The following PLS3 variants were observed in gnomAD, a reference collection of about 807,000 sequenced individuals.
The protein encoded by PLS3 is plastin-3.
A neutral mutation model predicts 46.5 loss-of-function variants in PLS3; 11 were observed. The observed-to-expected ratio is 0.24, with a 90% CI of 0.15 to 0.39. PLS3 has a LOEUF of 0.39. Among genes scored for constraint, PLS3 ranks in the 10% least tolerant of loss-of-function variants. PLS3 has a pLI of 1.00. For missense variants in PLS3, 308 were observed against 461.8 expected (o/e 0.67, Z 3.05); for synonymous variants, 167 against 162.2 (o/e 1.03, Z -0.22).
At chrX:115,648,684 CT>C (rs1235241107) in intron 15 of PLS3, among the ~76,000 whole-genome samples, 1 of 111,728 alleles carries the variant, frequency 9.0e-6, no homozygotes, top group African/African-American at 3.3e-5. Flanking sequence ...TCCTGCAAAA[CT>C]TTGGAGTTAG....
intron 4 of PLS3, 112 bp from the exon 5 acceptor site, chrX:115,629,723 G>A: frequency 2.1e-6 from 1 of 485,446 alleles, no homozygotes; most frequent in East Asian, 3.7e-5. Context: ...ATAACCACAT[G>A]TTTCTGACAC....
In PLS3 at chrX:115,649,792, C is replaced by T. The variant is rs2074986131; in HGVS notation, c.*231C>T. 3.6e-6 allele frequency: 1 copy of T among 281,252 alleles called. No homozygotes were observed. Among genetic ancestry groups the T allele is most frequent in the African/African-American group, 2.6e-5 (1 of 37,751 alleles). The allele number at this position is 281,252 out of a possible 1,213,427, so 23.2% of individuals were successfully genotyped here. A position where few individuals can be genotyped will look rare whatever the true frequency, so the allele number is the denominator to read the frequency against. ...TTGTCAGGCACGCCTGAAATGTGCTCATAGCCAAAACATTTTACTCTCTCC... is the reference window on the plus strand; with the variant it reads ...TTGTCAGGCACGCCTGAAATGTGCTTATAGCCAAAACATTTTACTCTCTCC... On this transcript the variant is annotated 3_prime_UTR_variant, in exon 16 of 16. Transcript: ENST00000355899.
At chrX:115,614,664 T>G in intron 2 of PLS3, 2 of 400,912 alleles carry the variant, frequency 5.0e-6, no homozygotes, top group South Asian at 1.3e-4. Context: ...TGGAATATAG[T>G]TTAAATTCTT....
At chrX:115,631,864 C>T (rs1224875694) in intron 5 of PLS3, among the ~76,000 whole-genome samples, 2 of 111,316 alleles carry the variant, frequency 1.8e-5, no homozygotes, top group Non-Finnish European at 3.8e-5. Context: ...AGTGTAGTGG[C>T]GTGACCTCTG....
chrX:115,577,623 G>A (rs1556631359), intron 1 of PLS3, among the ~76,000 whole-genome samples: 1 of 110,648 alleles, frequency 9.0e-6, no homozygotes, highest in Non-Finnish European at 1.9e-5. Flanking sequence ...GATTACAGGC[G>A]TGCACCACCA....
At chrX:115,637,236 CAT>C (rs1556640405) in intron 8 of PLS3, among the ~76,000 whole-genome samples, 1 of 111,838 alleles carries the variant, frequency 8.9e-6, no homozygotes, top group Non-Finnish European at 1.9e-5. Flanking sequence ...TATTGGTAAA[CAT>C]GGAGTATTAA....
At chrX:115,589,340 G>C (rs782617335) in intron 1 of PLS3, among the ~76,000 whole-genome samples, 15 of 111,533 alleles carry the variant, frequency 1.3e-4, no homozygotes, top group South Asian at 1.1e-3. Context: ...TTACATATAT[G>C]ACTTGATTAT....
At chrX:115,647,261 G>A (rs1261403183) in intron 13 of PLS3, among the ~76,000 whole-genome samples, 1 of 105,785 alleles carries the variant, frequency 9.5e-6, no homozygotes, top group African/African-American at 3.7e-5. Flanking sequence ...GTGAAACCCT[G>A]TCCCTACTAA....
At chrX:115,636,811 T>G in intron 7 of PLS3, 25 bp from the exon 8 acceptor site, 1 of 1,168,207 alleles carries the variant, frequency 8.6e-7, no homozygotes, top group Non-Finnish European at 1.1e-6. Context: ...ATAATAACTG[T>G]GGGATTTTTT....
At chrX:115,613,928 C>G (rs180898617) in intron 2 of PLS3, among the ~76,000 whole-genome samples, 1 of 110,931 alleles carries the variant, frequency 9.0e-6, no homozygotes, top group South Asian at 3.7e-4. Flanking sequence ...GTGAAGCCTG[C>G]TTTGAATTTT....
Position 115,634,162 on chromosome X carries a change from T to C in PLS3, c.582+81T>C, listed in dbSNP as rs2074806614. On this transcript the variant is annotated intron_variant, in intron 6 of 15. Transcript: ENST00000355899. ...TGCAGACTTCAGCCTCTGCACTCTG[T>C]AGGCTCCCAATCAATCCTTGTAAAA... is the stretch of plus-strand genomic sequence containing the variant. 5.6e-6 allele frequency: 3 copies of C among 537,620 alleles called. No individual in the cohort carries two copies. The East Asian group carries it at 1.0e-4, about 18-fold the overall frequency. 44.3% of individuals were successfully genotyped at this position (537,620 alleles called of 1,213,427 possible).
intron 15 of PLS3, among the ~76,000 whole-genome samples, chrX:115,648,279 A>G (rs1239491491): frequency 2.7e-5 from 3 of 111,951 alleles, no homozygotes; most frequent in Admixed American, 1.9e-4. Context: ...GATTACAGAA[A>G]TAATGTAGCA....
chrX:115,619,152 C>A (rs2074625038), intron 2 of PLS3, among the ~76,000 whole-genome samples: 1 of 111,990 alleles, frequency 8.9e-6, no homozygotes, highest in South Asian at 3.7e-4. Context: ...GATTTAGAAT[C>A]AGTGTGATAG....
chrX:115,595,687 C>CTTTTTTTTTT (rs35860715), intron 1 of PLS3, among the ~76,000 whole-genome samples: 1 of 82,975 alleles, frequency 1.2e-5, no homozygotes, highest in Non-Finnish European at 2.3e-5. Context: ...TATTTTCTTT[C>CTTTTTTTTTT]TTTTTTTTTT....
chrX:115,616,879 C>G, intron 2 of PLS3, among the ~76,000 whole-genome samples: 1 of 111,681 alleles, frequency 9.0e-6, no homozygotes, highest in Non-Finnish European at 1.9e-5. Flanking sequence ...CTAACTAACA[C>G]TAAAATGCCT....
chrX:115,621,171 G>A (rs1264102799), intron 2 of PLS3, among the ~76,000 whole-genome samples: 1 of 108,640 alleles, frequency 9.2e-6, no homozygotes, highest in African/African-American at 3.4e-5. Context: ...CCGCCACCAC[G>A]CCCAGCTAAT....
chrX:115,648,650 C>T (rs1217821840), intron 15 of PLS3, among the ~76,000 whole-genome samples: 3 of 111,608 alleles, frequency 2.7e-5, no homozygotes, highest in Non-Finnish European at 5.6e-5. Flanking sequence ...CACAGTCCTG[C>T]ATTACCGAAC....
chrX:115,568,712 A>G (rs1461421346), intron 1 of PLS3, among the ~76,000 whole-genome samples: 1 of 112,353 alleles, frequency 8.9e-6, no homozygotes, highest in Non-Finnish European at 1.9e-5. Flanking sequence ...TGGCTTAAAC[A>G]AAAAGATAGC....
At chrX:115,635,440 G>T (rs1440363077) in intron 7 of PLS3, among the ~76,000 whole-genome samples, 1 of 109,072 alleles carries the variant, frequency 9.2e-6, no homozygotes, top group African/African-American at 3.3e-5. Context: ...AGGCTGGAGC[G>T]CAGTGGCACA....
Sources: gnomAD v4.1 joint callset for allele counts (sites outside exome capture counted in the v4.1 genomes callset) on GRCh38, gnomAD v4.1.1 for gene constraint, MANE v1.5 for transcripts, NCBI Gene and HGNC (gene_info 2026-07-23, HGNC 2026-07-21) for gene names.